Variants in EP300 observed in about 807,000 individuals in gnomAD.
The protein encoded by EP300 is EP300 lysine acetyltransferase, also known as histone acetyltransferase p300.
Under a neutral mutation model 264.0 loss-of-function variants are expected in EP300, and 31 were observed. The ratio of observed to expected loss-of-function variants is 0.12; its 90% confidence interval spans 0.09 to 0.16. EP300 has a LOEUF of 0.16. EP300 is among the 10% of genes least tolerant of loss of function. The pLI is 1.00. For missense variants in EP300, 2,766 were observed against 3,052.9 expected (o/e 0.91, Z 2.21); for synonymous variants, 1,340 against 1,045.4 (o/e 1.28, Z -5.44).
chr22:41,176,643 T>G, intron 30 of EP300, 115 bp downstream of exon 30: 5 of 1,608,298 alleles, frequency 3.1e-6, no homozygotes, highest in Non-Finnish European at 4.2e-6. Flanking sequence ...GCCTCGTGTT[T>G]GAGGGGCAGA....
Position 41,151,903 on chromosome 22 carries a change from A to G in EP300, c.2888A>G (p.Asn963Ser), listed in dbSNP as rs753062814. ...CCATCTACTAGTAGCACAGAAGTGA[A>G]TTCTCAGGCCATTGCTGAGAAGCAG... The part of the protein sequence containing the change: ...NPPSTSSTEV[N>S]SQAIAEKQPS... The change falls in exon 15 of 31, where the codon AAT becomes AGT. Residue 963 changes from asparagine (N) to serine (S), a missense_variant. Asn to Ser is a conservative substitution (Grantham distance 46). Coordinates refer to ENST00000263253, the MANE Select transcript of EP300 (RefSeq NM_001429.4). 6.2e-7 allele frequency: 1 copy of G among 1,614,092 alleles called. No homozygotes were observed. The highest frequency in any genetic ancestry group is 8.5e-7 in the Non-Finnish European group (1 of 1,180,002).
intron 21 of EP300, among the ~76,000 whole-genome samples, chr22:41,163,768 C>T (rs1423196309): frequency 6.6e-6 from 1 of 151,784 alleles, no homozygotes; most frequent in African/African-American, 2.4e-5. Flanking sequence ...CAAAAAACAG[C>T]CAGGCATGAT....
chr22:41,169,646 C>G, intron 26 of EP300, 30 bp downstream of exon 26: 7 of 1,276,356 alleles, frequency 5.5e-6, no homozygotes, highest in Non-Finnish European at 8.0e-6. Flanking sequence ...GGCTTTTTTT[C>G]TTTAACTAGC....
intron 1 of EP300, among the ~76,000 whole-genome samples, chr22:41,096,247 C>T (rs1379051204): frequency 6.6e-6 from 1 of 152,010 alleles, no homozygotes; most frequent in Admixed American, 6.6e-5. Flanking sequence ...TAGGCAAATC[C>T]TGGAAATATC....
At chr22:41,098,141 C>CCT (rs2058712126) in intron 1 of EP300, among the ~76,000 whole-genome samples, 1 of 151,924 alleles carries the variant, frequency 6.6e-6, no homozygotes. Context: ...TAATGCTATC[C>CCT]CTCTCCCCTC....
chr22:41,161,869 C>T (rs1264668548), intron 20 of EP300, among the ~76,000 whole-genome samples: 1 of 152,150 alleles, frequency 6.6e-6, no homozygotes, highest in East Asian at 1.9e-4. Context: ...TGGGTGCTAG[C>T]TAGGAGAGTA....
intron 1 of EP300, among the ~76,000 whole-genome samples, chr22:41,094,369 A>T (rs1193487463): frequency 6.6e-6 from 1 of 152,206 alleles, no homozygotes; most frequent in African/African-American, 2.4e-5. Flanking sequence ...TTCATTTCAG[A>T]GGGTGAAAAT....
chr22:41,140,282 A>G, intron 9 of EP300, 25 bp downstream of exon 9: 1 of 1,446,206 alleles, frequency 6.9e-7, no homozygotes, highest in Non-Finnish European at 9.7e-7. Flanking sequence ...TTTTTCTATT[A>G]ATAGCCAAGA....
intron 1 of EP300, among the ~76,000 whole-genome samples, chr22:41,094,655 A>AT (rs2058692262): frequency 6.6e-6 from 1 of 152,154 alleles, no homozygotes; most frequent in Non-Finnish European, 1.5e-5. Flanking sequence ...ATTCAGAAAC[A>AT]TTTTTTAGAT....
Position 41,179,071 on chromosome 22 carries a change from C to G in EP300, c.*115C>G. The G allele has an allele frequency of 7.9e-7, 1 of 1,259,944 alleles. No individual in the cohort carries two copies. Among genetic ancestry groups the G allele is most frequent in the Non-Finnish European group, 1.1e-6 (1 of 899,180 alleles). The allele number at this position is 1,259,944 out of a possible 1,614,324, so 78.0% of individuals were successfully genotyped here. A position where few individuals can be genotyped will look rare whatever the true frequency, so the allele number is the denominator to read the frequency against. ...GCCTAAAAGACAATTTTCCTTGGAA[C>G]ACATAAGAACTGTGCAGTAGCCGTT... On this transcript the variant is annotated 3_prime_UTR_variant, in exon 31 of 31. Coordinates refer to ENST00000263253, the MANE Select transcript of EP300 (RefSeq NM_001429.4).
intron 2 of EP300, among the ~76,000 whole-genome samples, chr22:41,124,180 G>A (rs1036850491): frequency 1.3e-5 from 2 of 152,376 alleles, no homozygotes; most frequent in Admixed American, 6.5e-5. Flanking sequence ...AGGAGGCAGA[G>A]GTTGCAGTGA....
intron 11 of EP300, 91 bp downstream of exon 11, chr22:41,146,907 C>T: frequency 1.8e-6 from 2 of 1,118,204 alleles, no homozygotes; most frequent in Non-Finnish European, 2.6e-6. Context: ...TTTATGCCAA[C>T]AGCAAGTGTC....
chr22:41,124,002 C>T (rs2058866776), intron 2 of EP300, among the ~76,000 whole-genome samples: 1 of 152,242 alleles, frequency 6.6e-6, no homozygotes, highest in African/African-American at 2.4e-5. Context: ...AATCCCAGCA[C>T]TTTGGGAGGC....
At chr22:41,171,114 C>T (rs1240500385) in intron 27 of EP300, among the ~76,000 whole-genome samples, 1 of 150,500 alleles carries the variant, frequency 6.6e-6, no homozygotes, top group African/African-American at 2.5e-5. Flanking sequence ...CAAGAAATCC[C>T]TGTTTTAAAC....
At chr22:41,095,268 CTCAT>C (rs1246302366) in intron 1 of EP300, among the ~76,000 whole-genome samples, 4 of 108,350 alleles carry the variant, frequency 3.7e-5, no homozygotes, top group Non-Finnish European at 6.8e-5. Context: ...GAGATGGAGT[CTCAT>C]TCTGTCACCC....
At chr22:41,148,983 A>C (rs2273228) in intron 12 of EP300, 55 bp from the exon 13 acceptor site, 2 of 1,606,824 alleles carry the variant, frequency 1.2e-6, no homozygotes, top group Admixed American at 1.7e-5. Context: ...TTTTAGTTAT[A>C]GTAGAATAAC....
At position 41,164,050 on chromosome 22, in the gene EP300, C is replaced by T. The variant is rs757187393; in HGVS notation, c.3729-3C>T. 7 of 1,614,046 alleles carry T rather than the reference C, an allele frequency of 4.3e-6. No homozygotes were observed. Among genetic ancestry groups the T allele is most frequent in the Non-Finnish European group, 5.9e-6 (7 of 1,179,972 alleles). On this transcript the variant is annotated splice_polypyrimidine_tract_variant and splice_region_variant and intron_variant, in intron 21 of 30. Coordinates refer to ENST00000263253, the MANE Select transcript of EP300 (RefSeq NM_001429.4). Reference sequence around the variant, plus strand: ...AATTTTGGAATTGGCTCTGCTCTTCCAGGTTTGTTGAATGTACAGAGTGCG... The same window carrying T: ...AATTTTGGAATTGGCTCTGCTCTTCTAGGTTTGTTGAATGTACAGAGTGCG...
chr22:41,178,379 A>T lies in EP300; in HGVS notation c.6668A>T (p.Gln2223Leu). The change falls in exon 31 of 31, where the codon CAG (glutamine) becomes CTG (leucine). Residue 2223 changes from glutamine to leucine, a missense_variant. Physicochemically the swap from Gln to Leu is moderately radical, Grantham distance 113 (BLOSUM62 -2). Coordinates refer to ENST00000263253, the MANE Select transcript of EP300 (RefSeq NM_001429.4). ...CAAGGAGTTGGCTACCCACCACAGC[A>T]GCAGCAGCGGATGCAGCATCACATG... The part of the protein sequence containing the change: ...QPQGVGYPPQ[Q>L]QQRMQHHMQQ... 1.9e-6 allele frequency: 3 copies of T among 1,614,146 alleles called. No homozygotes were observed. The highest frequency in any genetic ancestry group is 2.5e-6 in the Non-Finnish European group (3 of 1,180,008).
intron 29 of EP300, among the ~76,000 whole-genome samples, chr22:41,174,149 TC>T (rs1156267917): frequency 6.6e-6 from 1 of 152,062 alleles, no homozygotes; most frequent in Admixed American, 6.6e-5. Context: ...CACTGACTGT[TC>T]GCTGGGCGTG....
Sources: allele counts gnomAD v4.1 joint callset (sites outside exome capture counted in the v4.1 genomes callset), GRCh38; gene constraint gnomAD v4.1.1; transcripts MANE v1.5; gene names NCBI Gene and HGNC (gene_info 2026-07-23, HGNC 2026-07-21).